Variants in IL7 observed in about 807,000 individuals in gnomAD.
IL7 encodes interleukin-7.
IL7 carries 3 observed loss-of-function variants against 21.6 expected under a neutral mutation model. That is an observed-to-expected ratio of 0.14 (90% CI 0.06 to 0.36). The LOEUF (loss-of-function observed/expected upper bound fraction) is 0.36, where lower values mean the gene tolerates loss of function less well. Among genes scored for constraint, IL7 ranks in the 10% least tolerant of loss-of-function variants. The pLI is 1.00. For missense variants in IL7, 175 were observed against 200.2 expected, an observed-to-expected ratio of 0.87 and a Z score of 0.76; for synonymous variants, 62 against 68.1, an observed-to-expected ratio of 0.91 and a Z score of 0.44.
At chr8:78,704,533 C>A (rs186995801) in intron 3 of IL7, among the ~76,000 whole-genome samples, 2 of 151,746 alleles carry the variant, frequency 1.3e-5, no homozygotes, top group East Asian at 3.9e-4. Context: ...TTTAACATTT[C>A]TTCTTTCATT....
chr8:78,691,838 T>TA (rs139184905), intron 3 of IL7, among the ~76,000 whole-genome samples: 7,763 of 152,212 alleles, frequency 0.051, 273 homozygotes, highest in Middle Eastern at 0.082. Context: ...CTAGATATTA[T>TA]AGGCCTATCA....
At chr8:78,770,569 A>G (rs1418802971) in intron 2 of IL7, among the ~76,000 whole-genome samples, 1 of 151,962 alleles carries the variant, frequency 6.6e-6, no homozygotes, top group Non-Finnish European at 1.5e-5. Flanking sequence ...TTGATGGGCT[A>G]TTTTCTCTTC....
chr8:78,693,953 C>G (rs1242203718), intron 3 of IL7, among the ~76,000 whole-genome samples: 1 of 152,160 alleles, frequency 6.6e-6, no homozygotes, highest in Non-Finnish European at 1.5e-5. Flanking sequence ...CTACATATGG[C>G]TAGCCAGTTT....
At chr8:78,693,244 C>T (rs1172416489) in intron 3 of IL7, among the ~76,000 whole-genome samples, 10 of 152,000 alleles carry the variant, frequency 6.6e-5, no homozygotes, top group Non-Finnish European at 1.3e-4. Context: ...TGGGTATATA[C>T]CCAGTAATGG....
chr8:78,794,319 CTT>C (rs1352371959), intron 2 of IL7, among the ~76,000 whole-genome samples: 3 of 152,124 alleles, frequency 2.0e-5, no homozygotes, highest in African/African-American at 7.2e-5. Context: ...TGAAACTACT[CTT>C]TGATTCACGG....
chr8:78,733,505 T>C lies in IL7; in HGVS notation c.*208A>G, dbSNP rs760631554. On this transcript the variant is annotated 3_prime_UTR_variant, in exon 6 of 6. Coordinates refer to ENST00000263851, the MANE Select transcript of IL7 (RefSeq NM_000880.4). ...GATAAATGTTCACATATATAAGAAA[T>C]AGTTTGTTGACTGGAGCATTCAGTT... The C allele has an allele frequency of 1.1e-5, 5 of 453,242 alleles. No homozygotes were observed. Among genetic ancestry groups the C allele is most frequent in the African/African-American group, 2.1e-5 (1 of 48,188 alleles). The allele number at this position is 453,242 out of a possible 1,614,324, so 28.1% of individuals were successfully genotyped here.
chr8:78,706,053 A>G (rs748604224), intron 3 of IL7, among the ~76,000 whole-genome samples: 3 of 152,138 alleles, frequency 2.0e-5, no homozygotes, highest in Admixed American at 6.5e-5. Flanking sequence ...AAGTCATGCT[A>G]TGCTGGGGAA....
chr8:78,687,225 A>G (rs552737687), intron 3 of IL7, among the ~76,000 whole-genome samples: 2 of 152,098 alleles, frequency 1.3e-5, no homozygotes, highest in Non-Finnish European at 1.5e-5. Context: ...TTATTAGAGC[A>G]GCCTAAAGAG....
chr8:78,793,308 A>G (rs1813754899), intron 2 of IL7, among the ~76,000 whole-genome samples: 1 of 152,104 alleles, frequency 6.6e-6, no homozygotes, highest in African/African-American at 2.4e-5. Flanking sequence ...ATATTCTAGA[A>G]TTAGATAGTG....
Position 78,755,648 on chromosome 8 carries a change from T to TA in IL7, c.148-15567dup, listed in dbSNP as rs989492800. ...CTCCTTCAGCTAGTTCATTATGATATAAAAAAATGCTACTGATTCTCGTAT... is the reference window on the plus strand; with the variant it reads ...CTCCTTCAGCTAGTTCATTATGATATAAAAAAAATGCTACTGATTCTCGTAT... On this transcript the variant is annotated intron_variant, in intron 2 of 5. Transcript: ENST00000263851. 3.5e-3 allele frequency among the ~76,000 whole-genome samples: 525 copies of TA among 152,082 alleles called. 4 individuals are homozygous for TA. The highest frequency in any genetic ancestry group is 0.012 in the African/African-American group (478 of 41,544).
intron 1 of IL7, among the ~76,000 whole-genome samples, chr8:78,803,288 C>A (rs540526261): frequency 1.3e-5 from 2 of 152,204 alleles, no homozygotes; most frequent in Middle Eastern, 3.4e-3. Flanking sequence ...CTCAGCCTCC[C>A]GAGTAGAGTC....
chr8:78,783,972 T>C (rs886334842), intron 2 of IL7, among the ~76,000 whole-genome samples: 2 of 152,168 alleles, frequency 1.3e-5, no homozygotes, highest in Admixed American at 6.5e-5. Flanking sequence ...CAAGTAAATA[T>C]ATGAGTAGCA....
intron 3 of IL7, among the ~76,000 whole-genome samples, chr8:78,696,191 C>T (rs1810405800): frequency 1.3e-5 from 2 of 151,914 alleles, no homozygotes; most frequent in African/African-American, 4.8e-5. Context: ...CCCGCTACCA[C>T]GCCCGGCTAA....
intron 4 of IL7, among the ~76,000 whole-genome samples, chr8:78,736,762 G>C (rs1811609129): frequency 6.6e-6 from 1 of 152,034 alleles, no homozygotes; most frequent in Admixed American, 6.6e-5. Context: ...TAATTTTGTA[G>C]GTCTGCCTAG....
chr8:78,692,652 C>A (rs554813218), intron 3 of IL7, among the ~76,000 whole-genome samples: 5 of 152,046 alleles, frequency 3.3e-5, no homozygotes, highest in East Asian at 1.9e-4. Flanking sequence ...TTCCAGTAAT[C>A]TTTTTGTTGT....
At chr8:78,701,905 T>A (rs1810617730) in intron 3 of IL7, among the ~76,000 whole-genome samples, 1 of 151,524 alleles carries the variant, frequency 6.6e-6, no homozygotes, top group African/African-American at 2.4e-5. Flanking sequence ...ATTTTGTTGA[T>A]GTTTATCAAG....
At chr8:78,717,721 T>C, downstream of IL7, 1 of 315,472 alleles carries the variant, frequency 3.2e-6, no homozygotes, top group Non-Finnish European at 5.7e-6. Context: ...TTCAAGGAAA[T>C]ATTCACTTAT....
rs574401853 is a variant in IL7, at chr8:78,689,371, G to C, written n.215-3424C>G. On this transcript the variant is annotated intron_variant and non_coding_transcript_variant, in intron 3 of 4. Transcript: ENST00000523959. ...AGGAAAACCAACTTCTCGGACACAG[G>C]TGGTAAGTTCAGTTTTAATAATTGC... 3.2e-6 allele frequency: 5 copies of C among 1,577,230 alleles called. No homozygotes were observed. The East Asian group carries it at 1.2e-4, about 36-fold the overall frequency.
intron 3 of IL7, among the ~76,000 whole-genome samples, chr8:78,725,378 G>GT (rs1554596386): frequency 2.1e-3 from 1 of 482 alleles, no homozygotes; most frequent in Non-Finnish European, 4.5e-3. Flanking sequence ...CAAGTTTGGA[G>GT]CTGTTCAGCC....
Sources: allele counts gnomAD v4.1 joint callset (sites outside exome capture counted in the v4.1 genomes callset), GRCh38; gene constraint gnomAD v4.1.1; transcripts MANE v1.5; gene names NCBI Gene and HGNC (gene_info 2026-07-23, HGNC 2026-07-21).